RBL1: variants seen among roughly 807,000 people sequenced by gnomAD.
RBL1 encodes retinoblastoma-like protein 1.
RBL1 carries 82 observed loss-of-function variants against 123.0 expected under a neutral mutation model. That is an observed-to-expected ratio of 0.67 (90% CI 0.56 to 0.80). The LOEUF (loss-of-function observed/expected upper bound fraction) is 0.80. RBL1 is among the 30% of genes least tolerant of loss of function. RBL1 has a pLI of 0.00. For missense variants in RBL1, 1,171 were observed against 1,299.6 expected, an observed-to-expected ratio of 0.90 and a Z score of 1.52; for synonymous variants, 405 against 441.3, an observed-to-expected ratio of 0.92 and a Z score of 1.03.
At chr20:37,011,517 C>T (rs927021725) in intron 19 of RBL1, among the ~76,000 whole-genome samples, 33 of 151,338 alleles carry the variant, frequency 2.2e-4, no homozygotes, top group Non-Finnish European at 2.9e-4. Flanking sequence ...TCACTGCAAC[C>T]TCAGCCCCCA....
At position 36,997,299 on chromosome 20, in the gene RBL1, T is replaced by A. The variant is rs2063898583; in HGVS notation, c.*1460A>T. The A allele has an allele frequency of 6.6e-6, 1 of 151,660 alleles. No homozygotes were observed. The highest frequency in any genetic ancestry group is 1.9e-4 in the East Asian group (1 of 5,164). The allele number at this position is 151,660 out of a possible 1,614,324, so 9.4% of individuals were successfully genotyped here. A position where few individuals can be genotyped will look rare whatever the true frequency, so the allele number is the denominator to read the frequency against. ...AAAGCATCCCTAGTACTGAAAAACA[T>A]CTTCAGGAGTACTCAGTACTCCCTA... On this transcript the variant is annotated 3_prime_UTR_variant, in exon 22 of 22. Transcript: ENST00000373664.
intron 17 of RBL1, 29 bp downstream of exon 17, chr20:37,022,621 C>A: frequency 6.3e-7 from 1 of 1,575,778 alleles, no homozygotes; most frequent in South Asian, 1.2e-5. Context: ...GCCACCATGC[C>A]CAGCCTCTTC....
At chr20:37,095,496 G>T (rs1383809625) in intron 1 of RBL1, among the ~76,000 whole-genome samples, 1 of 152,194 alleles carries the variant, frequency 6.6e-6, no homozygotes, top group African/African-American at 2.4e-5. Flanking sequence ...CATGACTTTT[G>T]TGGCGCTTGG....
At chr20:37,008,366 G>A (rs543286489) in intron 19 of RBL1, among the ~76,000 whole-genome samples, 35 of 152,292 alleles carry the variant, frequency 2.3e-4, no homozygotes, top group Non-Finnish European at 4.7e-4. Flanking sequence ...GGTGACAGGT[G>A]TTCTAAGAGC....
At chr20:37,018,138 A>G (rs552858989) in intron 19 of RBL1, 141 bp downstream of exon 19, 151 of 990,660 alleles carry the variant, frequency 1.5e-4, no homozygotes, top group Admixed American at 2.0e-4. Flanking sequence ...TCTAATCTCA[A>G]ACTTATTTGT....
Position 37,095,836 on chromosome 20 carries a change from G to A in RBL1, c.93C>T (p.Asp31=), listed in dbSNP as rs1311953260. The A allele has an allele frequency of 1.2e-6, 2 of 1,608,556 alleles. No individual in the cohort carries two copies. The highest frequency in any genetic ancestry group is 2.7e-5 in the African/African-American group (2 of 74,854). Residue 31 remains aspartate (D), a synonymous_variant, in exon 1 of 22, where the codon GAC becomes GAT. Transcript: ENST00000373664. The part of the protein sequence containing the change: ...LQALCQELNL[D]EGSAAEALDD... ...CCAGGGCTTCGGCCGCGCTCCCCTC[G>A]TCCAGGTTCAGCTCCTGGCACAGGG...
chr20:37,045,658 G>A (rs1273555437), intron 12 of RBL1, among the ~76,000 whole-genome samples: 3 of 152,032 alleles, frequency 2.0e-5, no homozygotes, highest in African/African-American at 7.2e-5. Context: ...TTACTATGAG[G>A]TTGTTGACAA....
chr20:37,026,309 T>C (rs892778574), intron 16 of RBL1, among the ~76,000 whole-genome samples: 2 of 152,180 alleles, frequency 1.3e-5, no homozygotes, highest in Non-Finnish European at 2.9e-5. Context: ...GAGTGTGGGC[T>C]GAGACCTTCC....
intron 16 of RBL1, among the ~76,000 whole-genome samples, chr20:37,030,868 AC>A (rs1218830579): frequency 6.8e-6 from 1 of 146,832 alleles, no homozygotes; most frequent in Non-Finnish European, 1.5e-5. Flanking sequence ...AAAAAAAAAA[AC>A]AAAAACAAAA....
Position 37,040,303 on chromosome 20 carries a change from C to A in RBL1, c.1771-18G>T, listed in dbSNP as rs200708710. ...AATATAACCTGTAGAAAACAAAAAC[C>A]CTTTGATTTACATATAGATAAACTT... On this transcript the variant is annotated intron_variant, in intron 13 of 21. Coordinates refer to ENST00000373664, the MANE Select transcript of RBL1 (RefSeq NM_002895.5). The A allele has an allele frequency of 3.1e-6, 5 of 1,606,976 alleles. No homozygotes were observed. Among genetic ancestry groups the A allele is most frequent in the African/African-American group, 2.7e-5 (2 of 74,528 alleles).
intron 14 of RBL1, among the ~76,000 whole-genome samples, chr20:37,038,568 G>A (rs917212096): frequency 1.3e-5 from 2 of 149,992 alleles, no homozygotes; most frequent in African/African-American, 4.9e-5. Context: ...CAAAGTGCTG[G>A]GATTACAGGA....
intron 2 of RBL1, among the ~76,000 whole-genome samples, chr20:37,085,117 TTTTTC>T (rs1163975950): frequency 9.6e-4 from 145 of 150,686 alleles, no homozygotes; most frequent in African/African-American, 2.7e-3. Flanking sequence ...AAAGGAGACG[TTTTTC>T]TTTTCTTTTC....
intron 15 of RBL1, among the ~76,000 whole-genome samples, chr20:37,033,455 T>C (rs910903614): frequency 7.9e-5 from 12 of 151,816 alleles, no homozygotes; most frequent in Non-Finnish European, 1.3e-4. Context: ...AGTGCTGGGA[T>C]TACAGGAGTG....
intron 2 of RBL1, among the ~76,000 whole-genome samples, chr20:37,077,450 G>A (rs2065383150): frequency 6.6e-6 from 1 of 152,082 alleles, no homozygotes; most frequent in South Asian, 2.1e-4. Flanking sequence ...CCAATCAGCT[G>A]AAGGTCTTAA....
chr20:37,067,131 G>GT lies in RBL1; in HGVS notation c.557-11_557-10insA. On this transcript the variant is annotated splice_polypyrimidine_tract_variant and intron_variant, in intron 4 of 21. Coordinates refer to ENST00000373664, the MANE Select transcript of RBL1 (RefSeq NM_002895.5). Reference sequence around the variant, plus strand: ...ATCATCCGAAAATTACCTTTATAAGGGAAAAAAAAAAAAAAAAGACACAAA... The same window carrying GT: ...ATCATCCGAAAATTACCTTTATAAGGTGAAAAAAAAAAAAAAAAGACACAAA... The GT allele has an allele frequency of 2.0e-6, 3 of 1,537,536 alleles. No individual in the cohort carries two copies. Among genetic ancestry groups the GT allele is most frequent in the Non-Finnish European group, 2.6e-6 (3 of 1,150,346 alleles).
Position 37,023,777 on chromosome 20 carries a change from A to ATTT in RBL1, c.2383-954_2383-952dup, listed in dbSNP as rs11371156. On this transcript the variant is annotated intron_variant, in intron 16 of 21. Transcript: ENST00000373664. ...TAAACCAGACTATTCTATTCAAACT[A>ATTT]TTTTTTTTTTTTTTTTTTTGAGACG... Among the ~76,000 whole-genome samples, 48 of 125,476 alleles carry ATTT rather than the reference A, an allele frequency of 3.8e-4. 1 individual carries two copies. Among genetic ancestry groups the ATTT allele is most frequent in the Admixed American group, 5.5e-4 (6 of 10,878 alleles). 82.3% of individuals were successfully genotyped at this position (125,476 alleles called of 152,430 possible). A position where few individuals can be genotyped will look rare whatever the true frequency, so the allele number is the denominator to read the frequency against.
chr20:37,050,112 A>G (rs2064884579), intron 11 of RBL1, among the ~76,000 whole-genome samples: 1 of 152,078 alleles, frequency 6.6e-6, no homozygotes, highest in African/African-American at 2.4e-5. Flanking sequence ...AAAATTCAGG[A>G]GAAACAGAGA....
At chr20:37,050,258 A>G (rs2064886652) in intron 11 of RBL1, among the ~76,000 whole-genome samples, 2 of 151,982 alleles carry the variant, frequency 1.3e-5, no homozygotes, top group East Asian at 1.9e-4. Flanking sequence ...TAAAAGTAGA[A>G]TAAGGCCGGG....
At chr20:37,069,641 G>A (rs1267157391) in intron 2 of RBL1, among the ~76,000 whole-genome samples, 7 of 148,516 alleles carry the variant, frequency 4.7e-5, no homozygotes, top group Admixed American at 4.7e-4. Context: ...CCTCCGCCCG[G>A]CAGCCGCCCC....
Sources: gnomAD v4.1 joint callset for allele counts (sites outside exome capture counted in the v4.1 genomes callset) on GRCh38, gnomAD v4.1.1 for gene constraint, MANE v1.5 for transcripts, NCBI Gene and HGNC (gene_info 2026-07-23, HGNC 2026-07-21) for gene names.